PABPC4: variants seen among roughly 807,000 people sequenced by gnomAD.
PABPC4 encodes the protein polyadenylate-binding protein 4.
PABPC4 carries 15 observed loss-of-function variants against 74.5 expected under a neutral mutation model. The observed-to-expected ratio is 0.20, with a 90% CI of 0.13 to 0.31. PABPC4 has a LOEUF of 0.31. Ranked by LOEUF, PABPC4 falls within the 10% of genes least tolerant of loss-of-function variation. PABPC4 has a pLI of 1.00. For synonymous variants in PABPC4, 345 were observed against 303.0 expected (o/e 1.14, Z -1.44); for missense variants, 610 against 853.5 (o/e 0.71, Z 3.55).
At chr1:39,574,237 C>G (rs1389121722) in intron 1 of PABPC4, among the ~76,000 whole-genome samples, 1 of 152,132 alleles carries the variant, frequency 6.6e-6, no homozygotes, top group East Asian at 1.9e-4. Flanking sequence ...CAGGAACAGT[C>G]CAGGGAAAGA....
intron 5 of PABPC4, 34 bp from the exon 6 acceptor site, chr1:39,568,973 T>C: frequency 6.3e-7 from 1 of 1,595,356 alleles, no homozygotes; most frequent in South Asian, 1.1e-5. Context: ...AAAATAAAGT[T>C]GCAGCGATGG....
chr1:39,572,452 T>C lies in PABPC4; in HGVS notation c.328A>G (p.Ile110Val). ...NVFIKNLDKS[I>V]DNKALYDTFS... is the part of the protein sequence containing the mutation. The stretch of plus-strand genomic sequence containing the variant: ...GTATCATAAAGTGCCTTGTTATCTA[T>C]AGATTTGTCCAGGTTCTTGATGAAG... The change falls in exon 2 of 16, where the codon ATA (isoleucine) becomes GTA (valine). Residue 110 changes from isoleucine to valine, a missense_variant. Physicochemically the swap from Ile to Val is conservative, Grantham distance 29 (BLOSUM62 3). Around this residue, in one of 4 missense-constraint regions of PABPC4, gnomAD observed 304 missense variants for 478.9 expected, o/e 0.63. Transcript: ENST00000372858. 3 of 1,614,170 alleles carry C rather than the reference T, an allele frequency of 1.9e-6. No individual in the cohort carries two copies. Among genetic ancestry groups the C allele is most frequent in the Non-Finnish European group, 2.5e-6 (3 of 1,179,980 alleles).
In PABPC4 at chr1:39,575,846, G is replaced by A. The variant is rs1220596561; in HGVS notation, c.106C>T (p.Pro36Ser). Residue 36 changes from proline (P) to serine (S), a missense_variant, in exon 1 of 16, where the codon CCT (proline) becomes TCT (serine). Physicochemically the swap from Pro to Ser is moderately conservative, Grantham distance 74 (BLOSUM62 -1). Around this residue, in one of 4 missense-constraint regions of PABPC4, gnomAD observed 304 missense variants for 478.9 expected, o/e 0.63. Coordinates refer to ENST00000372858, the MANE Select transcript of PABPC4 (RefSeq NM_001135653.2). ...MLYEKFSPAGPVLSIRVCRDM... is the reference protein window; with the variant it reads ...MLYEKFSPAGSVLSIRVCRDM... Reference sequence around the variant, plus strand: ...CGGCAGACCCGGATGGACAGCACAGGCCCCGCGGGGCTGAACTTTTCGTAC... The same window carrying A: ...CGGCAGACCCGGATGGACAGCACAGACCCCGCGGGGCTGAACTTTTCGTAC... 5 of 1,612,528 alleles carry A rather than the reference G, an allele frequency of 3.1e-6. No individual in the cohort carries two copies. The highest frequency in any genetic ancestry group is 1.7e-5 in the Admixed American group (1 of 59,986).
chr1:39,567,570 G>A (rs939074919), intron 7 of PABPC4, 181 bp downstream of exon 7: 1 of 697,048 alleles, frequency 1.4e-6, no homozygotes, highest in African/African-American at 1.7e-5. Flanking sequence ...TTGGGAAACA[G>A]TGTAATGTTA....
rs368217951 is a variant in PABPC4 at position 39,565,425 on chromosome 1, G to C, written c.973-47C>G. On this transcript the variant is annotated intron_variant, in intron 7 of 15. Transcript: ENST00000372858. ...TTAAGAAATAAGGTGTCCCTGGCTG[G>C]GTGTGATGGCTTGTGCCTGTAATCC... 26 of 1,562,864 alleles carry C rather than the reference G, an allele frequency of 1.7e-5. No homozygotes were observed. The African/African-American group carries it at 3.4e-4, about 20-fold the overall frequency.
At chr1:39,571,700 C>A in intron 2 of PABPC4, 1 of 457,516 alleles carries the variant, frequency 2.2e-6, no homozygotes, top group Non-Finnish European at 4.3e-6. Context: ...AATGGAGACC[C>A]TGTCTCTACA....
chr1:39,563,084 C>CA (rs1279945980), intron 12 of PABPC4: 1 of 155,116 alleles, frequency 6.4e-6, no homozygotes, highest in Non-Finnish European at 1.4e-5. Flanking sequence ...GTGACACCTC[C>CA]ACAGCAAATT....
chr1:39,561,792 G>C lies in PABPC4; in HGVS notation c.1894-5C>G. 3 of 1,612,198 alleles carry C rather than the reference G, an allele frequency of 1.9e-6. No homozygotes were observed. The highest frequency in any genetic ancestry group is 2.5e-6 in the Non-Finnish European group (3 of 1,178,380). Reference sequence around the variant, plus strand: ...AACTGCTACAGCTTCATCCACCTGCGAGAAATCTTCAGGTGGTCAGTGAAT... The same window carrying C: ...AACTGCTACAGCTTCATCCACCTGCCAGAAATCTTCAGGTGGTCAGTGAAT... On this transcript the variant is annotated splice_polypyrimidine_tract_variant and splice_region_variant and intron_variant, in intron 14 of 15. Coordinates refer to ENST00000372858, the MANE Select transcript of PABPC4 (RefSeq NM_001135653.2).
rs539918329 is a variant in PABPC4, at chr1:39,575,832, G to A, written c.120C>T (p.Ile40=). Residue 40 remains isoleucine (I), a synonymous_variant, in exon 1 of 16, where the codon ATC becomes ATT. Coordinates refer to ENST00000372858, the MANE Select transcript of PABPC4 (RefSeq NM_001135653.2). ...KFSPAGPVLS[I]RVCRDMITRR... ...GGGTGATCATATCGCGGCAGACCCG[G>A]ATGGACAGCACAGGCCCCGCGGGGC... 3.7e-6 allele frequency: 6 copies of A among 1,612,056 alleles called. No individual in the cohort carries two copies. The highest frequency in any genetic ancestry group is 4.5e-5 in the East Asian group (2 of 44,628).
chr1:39,564,368 A>G (rs1645804014), intron 10 of PABPC4, 55 bp downstream of exon 10: 3 of 1,596,080 alleles, frequency 1.9e-6, no homozygotes, highest in African/African-American at 1.3e-5. Flanking sequence ...GACAGAGCCT[A>G]GTCATCCTGA....
rs1418255257 is a variant in PABPC4 at position 39,576,640 on chromosome 1, C to T, written c.-689G>A. 1 of 148,918 alleles carries T rather than the reference C, an allele frequency of 6.7e-6. No individual in the cohort carries two copies. The highest frequency in any genetic ancestry group is 1.5e-5 in the Non-Finnish European group (1 of 67,086). The allele number at this position is 148,918 out of a possible 1,614,324, so 9.2% of individuals were successfully genotyped here. On this transcript the variant is annotated 5_prime_UTR_variant, in exon 1 of 16. Transcript: ENST00000372858. The stretch of plus-strand genomic sequence containing the variant: ...CGGAAGCGTACGAAAGTGACTTCCC[C>T]GCGGGTTCTCCGAGGATTCGTTTTT...
chr1:39,573,677 G>C (rs558862297), intron 1 of PABPC4, among the ~76,000 whole-genome samples: 193 of 152,250 alleles, frequency 1.3e-3, no homozygotes, highest in Non-Finnish European at 2.2e-3. Context: ...CAATTAGCTG[G>C]GCATGGTGGC....
At chr1:39,567,258 G>A in intron 7 of PABPC4, 1 of 374,098 alleles carries the variant, frequency 2.7e-6, no homozygotes. Context: ...AGCAAATGAT[G>A]CACACTACGA....
At chr1:39,565,850 A>C (rs2124447190) in intron 7 of PABPC4, among the ~76,000 whole-genome samples, 1 of 152,106 alleles carries the variant, frequency 6.6e-6, no homozygotes, top group Non-Finnish European at 1.5e-5. Context: ...AAACAAAACA[A>C]AACAAAACAA....
At chr1:39,564,887 T>C in intron 8 of PABPC4, 114 bp from the exon 9 acceptor site, 1 of 951,024 alleles carries the variant, frequency 1.1e-6, no homozygotes, top group Non-Finnish European at 1.6e-6. Context: ...ATGTTCTTTC[T>C]ATTCAAGAGC....
chr1:39,571,164 G>C, intron 3 of PABPC4, 70 bp downstream of exon 3: 2 of 1,608,720 alleles, frequency 1.2e-6, no homozygotes, highest in Non-Finnish European at 1.7e-6. Context: ...CCTTGTGTGT[G>C]CCAGTTAATA....
chr1:39,561,013 A>T lies in PABPC4; in HGVS notation c.*123T>A. The T allele has an allele frequency of 2.5e-6, 1 of 403,214 alleles. No homozygotes were observed. Among genetic ancestry groups the T allele is most frequent in the Non-Finnish European group, 5.2e-6 (1 of 192,162 alleles). 25.0% of individuals were successfully genotyped at this position (403,214 alleles called of 1,614,324 possible). ...ATAATTGACCTTTTGATACAAAATG[A>T]CCTATTAAATTTGCAATTTGTAATC... On this transcript the variant is annotated 3_prime_UTR_variant, in exon 16 of 16. Coordinates refer to ENST00000372858, the MANE Select transcript of PABPC4 (RefSeq NM_001135653.2).
chr1:39,564,614 G>A, intron 9 of PABPC4, 72 bp from the exon 10 acceptor site: 8 of 1,610,610 alleles, frequency 5.0e-6, no homozygotes, highest in Non-Finnish European at 6.8e-6. Context: ...CTCAGAGTGG[G>A]GAAGAAGGAA....
intron 7 of PABPC4, 65 bp downstream of exon 7, chr1:39,567,686 G>A (rs1392454154): frequency 1.3e-5 from 11 of 842,932 alleles, no homozygotes; most frequent in Non-Finnish European, 2.0e-5. Flanking sequence ...CCTTCAATGG[G>A]ACAAATGCCA....
Sources: allele counts gnomAD v4.1 joint callset (sites outside exome capture counted in the v4.1 genomes callset), GRCh38; gene constraint gnomAD v4.1.1; regional missense constraint gnomAD v4.1.1; transcripts MANE v1.5; gene names NCBI Gene and HGNC (gene_info 2026-07-23, HGNC 2026-07-21).